The following DNAH14 variants were observed in gnomAD, a reference collection of about 807,000 sequenced individuals.
DNAH14 encodes dynein axonemal heavy chain 14, also known as axonemal beta dynein heavy chain 14.
Under a neutral mutation model 520.9 loss-of-function variants are expected in DNAH14, and 478 were observed. The ratio of observed to expected loss-of-function variants is 0.92; its 90% CI spans 0.85 to 0.99. The LOEUF (loss-of-function observed/expected upper bound fraction) is 0.99. Among genes scored for constraint, DNAH14 ranks in the 50% least tolerant of loss-of-function variants. The probability of loss-of-function intolerance (pLI) is 0.00; values close to 1 mark genes in which losing one functional copy is unlikely to be tolerated. For missense variants in DNAH14, 4,831 were observed against 5,234.5 expected (o/e 0.92, Z 2.38); for synonymous variants, 1,581 against 1,757.2 (o/e 0.90, Z 2.51).
chr1:225,080,600 G>A lies in DNAH14; in HGVS notation c.2988G>A (p.Leu996=). The change falls in exon 19 of 86, where the codon TTG becomes TTA. Residue 996 remains leucine, a synonymous_variant. Transcript: ENST00000682510. ...AGATCTCTGACATTGAAGGTGACTT[G>A]ACTTTGAGGAAAAAACTATGGGAAG... ...LSEISDIEGD[L]TLRKKLWEAQ... 6.4e-7 allele frequency: 1 copy of A among 1,552,136 alleles called. No homozygotes were observed. The highest frequency in any genetic ancestry group is 8.7e-7 in the Non-Finnish European group (1 of 1,147,098).
In DNAH14 at chr1:225,192,782, T is replaced by C. The variant is rs770015128; in HGVS notation, c.5757T>C (p.Pro1919=). ...GTGAACTATATGGACAACTGGATCCTAATACTATGGAATGGACTGATGGAT... is the reference window on the plus strand; with the variant it reads ...GTGAACTATATGGACAACTGGATCCCAATACTATGGAATGGACTGATGGAT... ...TLSELYGQLD[P]NTMEWTDGLL... is the part of the protein sequence containing the mutation. Residue 1919 remains proline (P), a synonymous_variant, in exon 38 of 86, where the codon CCT becomes CCC. Transcript: ENST00000682510. 4 of 1,550,098 alleles carry C rather than the reference T, an allele frequency of 2.6e-6. No individual in the cohort carries two copies. In the South Asian group the frequency reaches 4.8e-5, roughly 18 times the overall value.
At chr1:224,937,753 G>A (rs936298500) in intron 1 of DNAH14, among the ~76,000 whole-genome samples, 1 of 151,960 alleles carries the variant, frequency 6.6e-6, no homozygotes, top group Non-Finnish European at 1.5e-5. Flanking sequence ...GCCCTCCTGA[G>A]CAAAAAGAAC....
chr1:225,325,961 A>G (rs1477996751), intron 64 of DNAH14, among the ~76,000 whole-genome samples: 1 of 152,212 alleles, frequency 6.6e-6, no homozygotes, highest in Admixed American at 6.5e-5. Context: ...ATTAAAAAGG[A>G]CTGGATATTT....
intron 11 of DNAH14, among the ~76,000 whole-genome samples, chr1:225,026,442 G>A (rs921880680): frequency 1.3e-5 from 2 of 152,038 alleles, no homozygotes; most frequent in Admixed American, 1.3e-4. Flanking sequence ...GATGGTATGA[G>A]ATAGGGTCCA....
chr1:224,947,783 ATTTCT>A (rs1354845701), intron 1 of DNAH14, among the ~76,000 whole-genome samples: 1 of 151,668 alleles, frequency 6.6e-6, no homozygotes, highest in Non-Finnish European at 1.5e-5. Context: ...ATTTTCTATC[ATTTCT>A]TTTTTTGAAA....
chr1:225,175,944 C>CAG (rs2083286129), intron 36 of DNAH14, among the ~76,000 whole-genome samples: 10 of 151,962 alleles, frequency 6.6e-5, no homozygotes, highest in Admixed American at 6.6e-4. Flanking sequence ...TTAGTAGAGA[C>CAG]AGGGCTTCAC....
At chr1:225,212,875 G>A (rs2088656745) in intron 41 of DNAH14, among the ~76,000 whole-genome samples, 1 of 152,110 alleles carries the variant, frequency 6.6e-6, no homozygotes, top group South Asian at 2.1e-4. Context: ...TCACTCTGAT[G>A]GTAGTTTCTT....
intron 9 of DNAH14, among the ~76,000 whole-genome samples, chr1:225,004,617 G>A (rs1053622191): frequency 6.6e-6 from 1 of 152,172 alleles, no homozygotes; most frequent in Non-Finnish European, 1.5e-5. Flanking sequence ...CACTCCTAGT[G>A]GTGATTGTTA....
At chr1:225,206,232 G>A in intron 40 of DNAH14, 53 bp downstream of exon 40, 1 of 1,409,354 alleles carries the variant, frequency 7.1e-7, no homozygotes, top group Non-Finnish European at 9.6e-7. Context: ...GTTTATGATA[G>A]TAACTATTTA....
chr1:225,131,815 T>A lies in DNAH14; in HGVS notation c.4254+8201T>A, dbSNP rs77076101. ...AAAAATTGGCAGTTCTTTTGAGAAG[T>A]GTGGTTGGAGCCAGGGGAGTGATAA... is the stretch of plus-strand genomic sequence containing the variant. On this transcript the variant is annotated intron_variant, in intron 27 of 85. Transcript: ENST00000682510. Among the ~76,000 whole-genome samples, 106 of 152,210 alleles carry A rather than the reference T, an allele frequency of 7.0e-4. 1 individual carries two copies. In the East Asian group the frequency reaches 0.017, roughly 24 times the overall value.
chr1:225,051,793 GAAGT>G lies in DNAH14; in HGVS notation c.2424+4_2424+7del, dbSNP rs1409104703. 4.7e-6 allele frequency: 7 copies of G among 1,482,498 alleles called. No homozygotes were observed. Among genetic ancestry groups the G allele is most frequent in the African/African-American group, 1.4e-5 (1 of 70,096 alleles). The allele number at this position is 1,482,498 out of a possible 1,614,324, so 91.8% of individuals were successfully genotyped here. The stretch of plus-strand genomic sequence containing the variant: ...TGAAAAAAAGAACAAAAATTTATTG[GAAGT>G]AAGTATTTTGAAAATTCTTATTGTG... On this transcript the variant is annotated splice_donor_variant and coding_sequence_variant, in exon 17 of 86. Coordinates refer to ENST00000682510, the MANE Select transcript of DNAH14 (RefSeq NM_001367479.1). LOFTEE classifies it high-confidence loss of function.
chr1:225,018,745 T>A (rs758286157), intron 10 of DNAH14, among the ~76,000 whole-genome samples: 2 of 152,128 alleles, frequency 1.3e-5, no homozygotes, highest in African/African-American at 4.8e-5. Context: ...AGAGGCCTAT[T>A]TTTAACATCC....
intron 35 of DNAH14, among the ~76,000 whole-genome samples, chr1:225,160,392 C>T (rs1251395382): frequency 2.0e-5 from 3 of 152,114 alleles, no homozygotes; most frequent in Non-Finnish European, 2.9e-5. Context: ...AGGCTATGTA[C>T]ATAACTTTAT....
chr1:225,276,432 C>G (rs983799575), intron 53 of DNAH14, among the ~76,000 whole-genome samples: 10 of 152,066 alleles, frequency 6.6e-5, no homozygotes, highest in African/African-American at 2.4e-4. Context: ...GCAACAGGGT[C>G]CAAAGTAGCA....
At chr1:225,229,442 C>T (rs1382432187) in intron 41 of DNAH14, among the ~76,000 whole-genome samples, 1 of 152,178 alleles carries the variant, frequency 6.6e-6, no homozygotes, top group Non-Finnish European at 1.5e-5. Flanking sequence ...GATTATAAAT[C>T]ATTCTACTAT....
chr1:225,312,239 T>A (rs1470550516), intron 60 of DNAH14, among the ~76,000 whole-genome samples: 4 of 152,202 alleles, frequency 2.6e-5, no homozygotes, highest in Non-Finnish European at 4.4e-5. Flanking sequence ...ATGATTTGGC[T>A]CTCTGTTTGT....
At chr1:225,359,719 T>G (rs2095471854) in intron 74 of DNAH14, among the ~76,000 whole-genome samples, 1 of 152,246 alleles carries the variant, frequency 6.6e-6, no homozygotes, top group Non-Finnish European at 1.5e-5. Context: ...TAGCCCATGA[T>G]GGTGGCTAGG....
intron 69 of DNAH14, among the ~76,000 whole-genome samples, chr1:225,343,619 T>C (rs940228015): frequency 3.3e-5 from 5 of 152,204 alleles, no homozygotes; most frequent in Non-Finnish European, 7.3e-5. Context: ...AATCCTCACT[T>C]AGAAGCATAT....
intron 23 of DNAH14, among the ~76,000 whole-genome samples, chr1:225,101,771 T>G (rs1412807527): frequency 6.6e-6 from 1 of 152,174 alleles, no homozygotes; most frequent in African/African-American, 2.4e-5. Context: ...TTACAGACAC[T>G]TGGGTTGCTT....
Sources: allele counts gnomAD v4.1 joint callset (sites outside exome capture counted in the v4.1 genomes callset), GRCh38; gene constraint gnomAD v4.1.1; transcripts MANE v1.5; gene names NCBI Gene and HGNC (gene_info 2026-07-23, HGNC 2026-07-21).